ZNF709: variants seen among roughly 807,000 people sequenced by gnomAD.
ZNF709 encodes zinc finger protein 709.
Under a neutral mutation model 10.6 loss-of-function variants are expected in ZNF709, and 15 were observed. That is an observed-to-expected ratio of 1.41 (90% CI 0.95 to 2.18). ZNF709 has a LOEUF of 2.18. Among genes scored for constraint, ZNF709 ranks in the 30% most tolerant of loss-of-function variants. The probability of loss-of-function intolerance (pLI) is 0.00; values close to 1 mark genes in which losing one functional copy is unlikely to be tolerated. For missense variants in ZNF709, 589 were observed against 774.0 expected, an observed-to-expected ratio of 0.76 and a Z score of 2.84; for synonymous variants, 194 against 238.8, an observed-to-expected ratio of 0.81 and a Z score of 1.73.
chr19:12,463,089 A>G lies in ZNF709; in HGVS notation c.*907T>C, dbSNP rs566416848. 6.6e-6 allele frequency: 1 copy of G among 152,356 alleles called. No individual in the cohort carries two copies. Among genetic ancestry groups the G allele is most frequent in the South Asian group, 2.1e-4 (1 of 4,828 alleles). 9.4% of individuals were successfully genotyped at this position (152,356 alleles called of 1,614,324 possible). On this transcript the variant is annotated 3_prime_UTR_variant, in exon 4 of 4. Coordinates refer to ENST00000397732, the MANE Select transcript of ZNF709 (RefSeq NM_152601.4). Reference sequence around the variant, plus strand: ...GAATTAATTTGCATCAGGCTTTCCCATATTATCTACATTTATACAGTACCT... The same window carrying G: ...GAATTAATTTGCATCAGGCTTTCCCGTATTATCTACATTTATACAGTACCT...
intron 1 of ZNF709, among the ~76,000 whole-genome samples, chr19:12,472,802 G>C (rs1970644811): frequency 1.3e-5 from 2 of 151,824 alleles, no homozygotes; most frequent in Non-Finnish European, 2.9e-5. Flanking sequence ...AGGATTGCTT[G>C]AGCATGGGAG....
chr19:12,469,845 G>A (rs997801064), intron 1 of ZNF709, among the ~76,000 whole-genome samples: 2 of 152,048 alleles, frequency 1.3e-5, no homozygotes, highest in African/African-American at 4.8e-5. Context: ...AGCACACATA[G>A]GATGGAGATG....
At chr19:12,484,577 G>A in intron 1 of ZNF709, 78 bp downstream of exon 1, 1 of 1,567,740 alleles carries the variant, frequency 6.4e-7, no homozygotes, top group Non-Finnish European at 8.7e-7. Flanking sequence ...GGAGGCCTGG[G>A]TCCCACCACA....
intron 1 of ZNF709, among the ~76,000 whole-genome samples, chr19:12,468,762 T>G (rs1183519854): frequency 6.6e-6 from 1 of 151,884 alleles, no homozygotes; most frequent in Non-Finnish European, 1.5e-5. Flanking sequence ...CAATTCCTTG[T>G]AAGAAAAATA....
At chr19:12,475,839 A>G (rs1450294978) in intron 1 of ZNF709, among the ~76,000 whole-genome samples, 1 of 152,206 alleles carries the variant, frequency 6.6e-6, no homozygotes, top group Non-Finnish European at 1.5e-5. Context: ...TCCTCAAACT[A>G]GAGGTTGAGG....
At chr19:12,483,589 T>C (rs1033918033) in intron 1 of ZNF709, among the ~76,000 whole-genome samples, 1 of 152,082 alleles carries the variant, frequency 6.6e-6, no homozygotes, top group African/African-American at 2.4e-5. Flanking sequence ...GAGGCTGTAG[T>C]GCAGTGGCGC....
chr19:12,469,202 A>T (rs570623188), intron 1 of ZNF709, among the ~76,000 whole-genome samples: 1 of 152,248 alleles, frequency 6.6e-6, no homozygotes, highest in Admixed American at 6.5e-5. Context: ...TATTCCCATG[A>T]TTACACTGAA....
chr19:12,464,645 C>T lies in ZNF709; in HGVS notation c.1277G>A (p.Gly426Asp), dbSNP rs1684987470. 1 of 1,612,260 alleles carries T rather than the reference C, an allele frequency of 6.2e-7. No individual in the cohort carries two copies. The highest frequency in any genetic ancestry group is 1.3e-5 in the African/African-American group (1 of 74,838). Residue 426 changes from glycine (G) to aspartate (D), a missense_variant, in exon 4 of 4, where the codon GGT (glycine) becomes GAT (aspartate). Transcript: ENST00000397732. ...GEKPHECKQC[G>D]KAFSCSSSVR... ...AGAACTGGAACAACTGAAGGCTTTA[C>T]CACATTGTTTACATTCATGGGGTTT...
rs370178228 is a variant in ZNF709 at position 12,465,011 on chromosome 19, C to T, written c.911G>A (p.Gly304Glu). 32 of 1,610,074 alleles carry T rather than the reference C, an allele frequency of 2.0e-5. No homozygotes were observed. Among genetic ancestry groups the T allele is most frequent in the Non-Finnish European group, 2.6e-5 (31 of 1,178,906 alleles). Residue 304 changes from glycine (G) to glutamate (E), a missense_variant, in exon 4 of 4, where the codon GGA (glycine) becomes GAA (glutamate). Physicochemically the swap from Gly to Glu is moderately conservative, Grantham distance 98 (BLOSUM62 -2). Transcript: ENST00000397732. ...TTTTTTACATTTATAGGGTTTTTCTCCAGTGTGAATCCTTTCATGACTTCG... is the reference window on the plus strand; with the variant it reads ...TTTTTTACATTTATAGGGTTTTTCTTCAGTGTGAATCCTTTCATGACTTCG... ...SFRSHERIHTGEKPYKCKKCG... is the reference protein window; with the variant it reads ...SFRSHERIHTEEKPYKCKKCG...
intron 1 of ZNF709, among the ~76,000 whole-genome samples, chr19:12,474,450 A>AT (rs1475822421): frequency 6.6e-6 from 1 of 152,204 alleles, no homozygotes; most frequent in Non-Finnish European, 1.5e-5. Flanking sequence ...GGTTGTTTAC[A>AT]TATCTTGGCT....
In ZNF709 at chr19:12,466,811, G is replaced by A; in HGVS notation, c.43C>T (p.Gln15Ter). Reference protein sequence around the residue: ...VFEDVAVNFTQEEWALLGPSQ... With the variant: ...VFEDVAVNFT ...GGACCCAGCAAAGCCCACTCCTCCTGGGTGAAGTTCACAGCCACATCCTCA... is the reference window on the plus strand; with the variant it reads ...GGACCCAGCAAAGCCCACTCCTCCTAGGTGAAGTTCACAGCCACATCCTCA... Residue 15 changes from glutamine to a stop codon, truncating the protein, a stop_gained, in exon 2 of 4, where the codon CAG becomes TAG. Transcript: ENST00000397732. LOFTEE classifies it high-confidence loss of function. 1 of 1,613,986 alleles carries A rather than the reference G, an allele frequency of 6.2e-7. No homozygotes were observed. Among genetic ancestry groups the A allele is most frequent in the Non-Finnish European group, 8.5e-7 (1 of 1,179,942 alleles).
At chr19:12,478,669 G>C (rs768992428) in intron 1 of ZNF709, among the ~76,000 whole-genome samples, 1 of 152,212 alleles carries the variant, frequency 6.6e-6, no homozygotes. Flanking sequence ...GAGGTCTTGG[G>C]GAAAGCAGGG....
chr19:12,479,209 G>T (rs1970700888), intron 1 of ZNF709, among the ~76,000 whole-genome samples: 1 of 151,870 alleles, frequency 6.6e-6, no homozygotes, highest in East Asian at 1.9e-4. Context: ...AGGCTGAGGT[G>T]GGAAGATCAC....
intron 1 of ZNF709, among the ~76,000 whole-genome samples, chr19:12,472,307 AGG>A (rs1048822881): frequency 6.6e-6 from 1 of 151,996 alleles, no homozygotes; most frequent in African/African-American, 2.4e-5. Flanking sequence ...GGATCACCTA[AGG>A]TCAGGAGTTC....
At chr19:12,469,253 G>C (rs1312514673) in intron 1 of ZNF709, among the ~76,000 whole-genome samples, 1 of 152,172 alleles carries the variant, frequency 6.6e-6, no homozygotes, top group Non-Finnish European at 1.5e-5. Flanking sequence ...CATCCTGCTG[G>C]CCATGTTGTA....
intron 1 of ZNF709, among the ~76,000 whole-genome samples, chr19:12,480,580 G>T (rs1970717452): frequency 6.6e-6 from 1 of 151,982 alleles, no homozygotes; most frequent in Admixed American, 6.6e-5. Context: ...CTCCTCAGGA[G>T]GCTGAGGCAG....
chr19:12,467,879 T>C (rs1488636621), intron 1 of ZNF709, among the ~76,000 whole-genome samples: 2 of 149,460 alleles, frequency 1.3e-5, no homozygotes, highest in Non-Finnish European at 3.0e-5. Context: ...AGCCACCCTG[T>C]CTGGGAAGTG....
intron 1 of ZNF709, among the ~76,000 whole-genome samples, chr19:12,478,256 T>C (rs1970692719): frequency 6.6e-6 from 1 of 152,140 alleles, no homozygotes; most frequent in Non-Finnish European, 1.5e-5. Context: ...AGCTTCACTC[T>C]AAAACACACA....
At chr19:12,481,805 G>A (rs1970729381) in intron 1 of ZNF709, among the ~76,000 whole-genome samples, 1 of 151,634 alleles carries the variant, frequency 6.6e-6, no homozygotes, top group Non-Finnish European at 1.5e-5. Context: ...TACTTGGGAA[G>A]CTGAGGTGGG....
Sources: allele counts gnomAD v4.1 joint callset (sites outside exome capture counted in the v4.1 genomes callset), GRCh38; gene constraint gnomAD v4.1.1; transcripts MANE v1.5; gene names NCBI Gene and HGNC (gene_info 2026-07-23, HGNC 2026-07-21).